GAB1: variants seen among roughly 807,000 people sequenced by gnomAD.
The protein encoded by GAB1 is GRB2 associated binding protein 1.
In GAB1, 19 loss-of-function variants were observed where a neutral mutation model predicts 66.5. The observed-to-expected ratio is 0.29, with a 90% CI of 0.20 to 0.42. The LOEUF is 0.42. GAB1 is among the 10% of genes least tolerant of loss of function. The probability of loss-of-function intolerance (pLI) is 1.00; values close to 1 mark genes in which losing one functional copy is unlikely to be tolerated. For missense variants in GAB1, 732 were observed against 858.5 expected (o/e 0.85, Z 1.84); for synonymous variants, 294 against 301.4 (o/e 0.98, Z 0.25).
chr4:143,410,468 C>T (rs867559312), intron 1 of GAB1, among the ~76,000 whole-genome samples: 5 of 152,272 alleles, frequency 3.3e-5, no homozygotes, highest in African/African-American at 9.6e-5. Context: ...TGTTTCCTTC[C>T]CACCAAATAG....
At chr4:143,371,129 C>T (rs1730104637) in intron 1 of GAB1, among the ~76,000 whole-genome samples, 1 of 152,134 alleles carries the variant, frequency 6.6e-6, no homozygotes, top group Admixed American at 6.5e-5. Context: ...GCCACACTGA[C>T]TTCCACAATG....
rs560670916 is a variant in GAB1 at position 143,436,484 on chromosome 4, A to T, written c.594-1515A>T. 4.5e-4 allele frequency among the ~76,000 whole-genome samples: 69 copies of T among 152,324 alleles called. 1 individual carries two copies. Among genetic ancestry groups the T allele is most frequent in the African/African-American group, 1.6e-3 (68 of 41,574 alleles). On this transcript the variant is annotated intron_variant, in intron 3 of 9. Coordinates refer to ENST00000262994, the MANE Select transcript of GAB1 (RefSeq NM_002039.4). ...AGTCTGGTCCCATGAATAGATTGAA[A>T]GAGGCAGACAGTAGAGGAAATTCCA...
intron 6 of GAB1, among the ~76,000 whole-genome samples, chr4:143,458,723 A>T (rs527567818): frequency 2.0e-5 from 3 of 152,248 alleles, no homozygotes; most frequent in African/African-American, 7.2e-5. Context: ...TTAATTGTAT[A>T]TAATTTAGCA....
At position 143,349,983 on chromosome 4, in the gene GAB1, C is replaced by T. The variant is rs1251515770; in HGVS notation, c.72+12723C>T. The T allele has an allele frequency of 1.9e-6, 3 of 1,586,002 alleles. No individual in the cohort carries two copies. The African/African-American group carries it at 4.0e-5, about 21-fold the overall frequency. On this transcript the variant is annotated intron_variant, in intron 1 of 9. Transcript: ENST00000262994. ...CCAACTTGGTGACGGGCATCCACTC[C>T]TTATCCTCGGCCTTGCCTCCGCGAC...
Position 143,471,935 on chromosome 4 carries a change from G to A in GAB1, c.*2746G>A, listed in dbSNP as rs1384605370. 6.6e-6 allele frequency: 1 copy of A among 152,142 alleles called. No homozygotes were observed. Among genetic ancestry groups the A allele is most frequent in the Non-Finnish European group, 1.5e-5 (1 of 68,018 alleles). 9.4% of individuals were successfully genotyped at this position (152,142 alleles called of 1,614,324 possible). Reference sequence around the variant, plus strand: ...CTCACCTCCAAGAAGCTAGACTTTGGCCAGGAATGGGCTAAAAACCACTGG... The same window carrying A: ...CTCACCTCCAAGAAGCTAGACTTTGACCAGGAATGGGCTAAAAACCACTGG... On this transcript the variant is annotated 3_prime_UTR_variant, in exon 10 of 10. Transcript: ENST00000262994.
chr4:143,402,824 T>C (rs1388860158), intron 1 of GAB1, among the ~76,000 whole-genome samples: 2 of 152,234 alleles, frequency 1.3e-5, no homozygotes, highest in African/African-American at 4.8e-5. Context: ...CCAATCCCTG[T>C]GCTCCAAACT....
At chr4:143,463,589 C>T (rs1372743163) in intron 8 of GAB1, among the ~76,000 whole-genome samples, 1 of 147,558 alleles carries the variant, frequency 6.8e-6, no homozygotes, top group African/African-American at 2.6e-5. Flanking sequence ...AGCCACTGCC[C>T]TGCAGCCCAG....
At chr4:143,391,014 A>G (rs73853833) in intron 1 of GAB1, among the ~76,000 whole-genome samples, 6,139 of 152,218 alleles carry the variant, frequency 0.04, 432 homozygotes, top group African/African-American at 0.14. Context: ...GGCCGCCCAC[A>G]TCTGGCTGCC....
intron 1 of GAB1, among the ~76,000 whole-genome samples, chr4:143,378,610 C>G (rs1730513410): frequency 1.3e-5 from 2 of 149,344 alleles, no homozygotes; most frequent in Admixed American, 6.7e-5. Context: ...TTGTGACAGC[C>G]TATTGGAACT....
At chr4:143,444,508 G>A (rs1387663675) in intron 6 of GAB1, among the ~76,000 whole-genome samples, 1 of 152,062 alleles carries the variant, frequency 6.6e-6, no homozygotes. Context: ...TGACTCTTTT[G>A]GCACAGTGAT....
At chr4:143,360,355 A>T (rs1729614875) in intron 1 of GAB1, among the ~76,000 whole-genome samples, 1 of 152,214 alleles carries the variant, frequency 6.6e-6, no homozygotes, top group South Asian at 2.1e-4. Flanking sequence ...TTGAGATAAA[A>T]AATACTTTGT....
intron 1 of GAB1, among the ~76,000 whole-genome samples, chr4:143,400,868 T>C (rs1206833499): frequency 1.3e-5 from 2 of 151,644 alleles, no homozygotes; most frequent in East Asian, 3.9e-4. Context: ...ACTTAGAAGG[T>C]TGAGACAGGA....
At chr4:143,415,441 G>A (rs1307210761) in intron 1 of GAB1, 36 bp from the exon 2 acceptor site, 5 of 1,501,888 alleles carry the variant, frequency 3.3e-6, no homozygotes, top group Non-Finnish European at 4.5e-6. Flanking sequence ...ATTATCTCAA[G>A]TTAATACTGA....
At chr4:143,422,248 A>G (rs574803834) in intron 2 of GAB1, among the ~76,000 whole-genome samples, 2 of 152,206 alleles carry the variant, frequency 1.3e-5, no homozygotes, top group Admixed American at 6.5e-5. Flanking sequence ...AGCACACCAG[A>G]TAAATCATTA....
At chr4:143,468,238 G>A (rs1420398030) in intron 9 of GAB1, among the ~76,000 whole-genome samples, 4 of 126,002 alleles carry the variant, frequency 3.2e-5, no homozygotes, top group African/African-American at 1.0e-4. Flanking sequence ...TTTTTTGGAC[G>A]GAGTCTTGCT....
rs929768651 is a variant in GAB1, at chr4:143,470,774, G to C, written c.*1585G>C. 2 of 152,208 alleles carry C rather than the reference G, an allele frequency of 1.3e-5. No homozygotes were observed. The highest frequency in any genetic ancestry group is 4.8e-5 in the African/African-American group (2 of 41,444). The allele number at this position is 152,208 out of a possible 1,614,324, so 9.4% of individuals were successfully genotyped here. On this transcript the variant is annotated 3_prime_UTR_variant, in exon 10 of 10. Coordinates refer to ENST00000262994, the MANE Select transcript of GAB1 (RefSeq NM_002039.4). Reference sequence around the variant, plus strand: ...TTGCCTGAGTACACAGATGTGCCCTGATTTCTGGCCCATTGGCCATAGTAC... The same window carrying C: ...TTGCCTGAGTACACAGATGTGCCCTCATTTCTGGCCCATTGGCCATAGTAC...
chr4:143,409,961 C>T (rs1732279429), intron 1 of GAB1, among the ~76,000 whole-genome samples: 1 of 151,980 alleles, frequency 6.6e-6, no homozygotes, highest in Non-Finnish European at 1.5e-5. Flanking sequence ...ACATTAGAAT[C>T]ATCTGTTGAG....
chr4:143,429,020 CAT>C (rs1436953306), intron 2 of GAB1, among the ~76,000 whole-genome samples: 1 of 152,090 alleles, frequency 6.6e-6, no homozygotes, highest in East Asian at 1.9e-4. Flanking sequence ...TAAAAAAAAT[CAT>C]GATAGGATGG....
chr4:143,384,792 T>C (rs947212890), intron 1 of GAB1, among the ~76,000 whole-genome samples: 4 of 152,178 alleles, frequency 2.6e-5, no homozygotes, highest in African/African-American at 7.2e-5. Flanking sequence ...TGGGGCCGAG[T>C]TGGCAGCTAG....
Sources: allele counts gnomAD v4.1 joint callset (sites outside exome capture counted in the v4.1 genomes callset), GRCh38; gene constraint gnomAD v4.1.1; transcripts MANE v1.5; gene names NCBI Gene and HGNC (gene_info 2026-07-23, HGNC 2026-07-21).